Variants in RBKS observed in about 807,000 individuals in gnomAD.
RBKS encodes the protein ribokinase.
Under a neutral mutation model 33.9 loss-of-function variants are expected in RBKS, and 33 were observed. The ratio of observed to expected loss-of-function variants is 0.97; its 90% CI spans 0.74 to 1.30. The LOEUF is 1.30. Among genes scored for constraint, RBKS ranks in the 50% most tolerant of loss-of-function variants. The pLI is 0.00. For missense variants in RBKS, 361 were observed against 392.6 expected (o/e 0.92, Z 0.68); for synonymous variants, 125 against 143.0 (o/e 0.87, Z 0.90).
intron 7 of RBKS, among the ~76,000 whole-genome samples, chr2:27,826,273 T>C (rs891188173): frequency 5.3e-5 from 8 of 152,182 alleles, no homozygotes; most frequent in Admixed American, 2.0e-4. Flanking sequence ...TAAAGTCGCT[T>C]CTAAGCATAA....
rs535596507 is a variant in RBKS at position 27,836,333 on chromosome 2, G to A, written c.515-3556C>T. ...TCAAGGTGGCAGTGCGGGGTAGGGA[G>A]CCATGAGGCAGGATACAGATAAAAC... On this transcript the variant is annotated intron_variant, in intron 5 of 7. Transcript: ENST00000302188. Among the ~76,000 whole-genome samples the A allele has an allele frequency of 2.6e-5, 4 of 152,264 alleles. No homozygotes were observed. The South Asian group carries it at 6.2e-4, about 24-fold the overall frequency.
At chr2:27,817,102 CT>C (rs749476960) in intron 7 of RBKS, among the ~76,000 whole-genome samples, 1 of 152,188 alleles carries the variant, frequency 6.6e-6, no homozygotes, top group Non-Finnish European at 1.5e-5. Flanking sequence ...AAACTAGTTA[CT>C]TTCCCAGAAG....
At chr2:27,878,772 T>C (rs1003608432) in intron 1 of RBKS, among the ~76,000 whole-genome samples, 1 of 152,250 alleles carries the variant, frequency 6.6e-6, no homozygotes, top group Non-Finnish European at 1.5e-5. Flanking sequence ...TGCATTTCTC[T>C]GATGGCCAGT....
At chr2:27,860,602 A>T (rs1663956335) in intron 1 of RBKS, among the ~76,000 whole-genome samples, 1 of 152,300 alleles carries the variant, frequency 6.6e-6, no homozygotes. Flanking sequence ...ATGTATATAT[A>T]TATGTGGGGG....
At chr2:27,860,447 G>A (rs1389036865) in intron 1 of RBKS, among the ~76,000 whole-genome samples, 1 of 152,180 alleles carries the variant, frequency 6.6e-6, no homozygotes, top group East Asian at 1.9e-4. Context: ...CAAATAACTT[G>A]ATTAGTAAGA....
At chr2:27,889,671 T>C (rs1664664486) in intron 1 of RBKS, among the ~76,000 whole-genome samples, 1 of 152,260 alleles carries the variant, frequency 6.6e-6, no homozygotes, top group Admixed American at 6.5e-5. Context: ...TTTATTTTGA[T>C]TCATACTTGG....
intron 1 of RBKS, among the ~76,000 whole-genome samples, chr2:27,881,271 T>C (rs1455036082): frequency 6.6e-6 from 1 of 151,040 alleles, no homozygotes; most frequent in Non-Finnish European, 1.5e-5. Flanking sequence ...CCAGGCACAG[T>C]GGCTCACCTC....
chr2:27,889,348 G>C (rs1664649543), intron 1 of RBKS, among the ~76,000 whole-genome samples: 1 of 152,076 alleles, frequency 6.6e-6, no homozygotes, highest in African/African-American at 2.4e-5. Flanking sequence ...GGACGAATGA[G>C]GTGTTACTGT....
intron 7 of RBKS, among the ~76,000 whole-genome samples, chr2:27,821,931 A>G (rs980097053): frequency 1.3e-5 from 2 of 152,238 alleles, no homozygotes; most frequent in Non-Finnish European, 2.9e-5. Context: ...ACAGTAAGGG[A>G]CACCGAAACA....
At chr2:27,782,009 C>A (rs1677297154) in intron 7 of RBKS, among the ~76,000 whole-genome samples, 1 of 152,282 alleles carries the variant, frequency 6.6e-6, no homozygotes, top group South Asian at 2.1e-4. Flanking sequence ...AAGTGAACTT[C>A]ATACTTTTTT....
intron 7 of RBKS, among the ~76,000 whole-genome samples, chr2:27,826,795 A>C (rs1487085860): frequency 6.6e-6 from 1 of 152,000 alleles, no homozygotes; most frequent in African/African-American, 2.4e-5. Context: ...TTTCCTTTTC[A>C]TTCCTACTCT....
chr2:27,783,987 T>C (rs1285654583), intron 7 of RBKS, among the ~76,000 whole-genome samples: 3 of 82,676 alleles, frequency 3.6e-5, no homozygotes, highest in Non-Finnish European at 5.6e-5. Flanking sequence ...TTTTTTTTTT[T>C]TTTTTTTTTT....
chr2:27,792,584 G>C (rs1340146243), intron 7 of RBKS, among the ~76,000 whole-genome samples: 4 of 152,164 alleles, frequency 2.6e-5, no homozygotes, highest in African/African-American at 9.7e-5. Context: ...TCAATGAACA[G>C]AACTCTTAAC....
At chr2:27,855,688 C>T (rs1448278438) in intron 2 of RBKS, among the ~76,000 whole-genome samples, 1 of 152,202 alleles carries the variant, frequency 6.6e-6, no homozygotes, top group Non-Finnish European at 1.5e-5. Flanking sequence ...TAAATACTGA[C>T]TAACTCTTAA....
intron 7 of RBKS, among the ~76,000 whole-genome samples, chr2:27,782,248 G>T (rs1264814853): frequency 1.3e-5 from 2 of 151,896 alleles, no homozygotes; most frequent in South Asian, 2.1e-4. Context: ...TGCAGCCTGG[G>T]CTCAACTCCT....
chr2:27,791,652 CATATACATATACATA>C (rs1677527652), intron 7 of RBKS, among the ~76,000 whole-genome samples: 3 of 55,326 alleles, frequency 5.4e-5, no homozygotes, highest in East Asian at 5.2e-4. Context: ...ACTAAATATA[CATATACATATACATA>C]TACATATACA....
chr2:27,849,209 A>AT (rs1553379011), intron 2 of RBKS, among the ~76,000 whole-genome samples: 13 of 150,606 alleles, frequency 8.6e-5, no homozygotes, highest in East Asian at 1.9e-4. Context: ...ATTTTATTTT[A>AT]TTTTTTTTTG....
chr2:27,865,888 CT>C (rs2148223493), intron 1 of RBKS, among the ~76,000 whole-genome samples: 1 of 152,294 alleles, frequency 6.6e-6, no homozygotes, highest in African/African-American at 2.4e-5. Flanking sequence ...ATACATTTTA[CT>C]TCCACATGAT....
chr2:27,886,351 T>TA (rs1263824071), intron 1 of RBKS, among the ~76,000 whole-genome samples: 1 of 152,228 alleles, frequency 6.6e-6, no homozygotes, highest in East Asian at 1.9e-4. Context: ...TCTGAAGTGA[T>TA]ACTAAAGAAT....
Sources: gnomAD v4.1 joint callset for allele counts (sites outside exome capture counted in the v4.1 genomes callset) on GRCh38, gnomAD v4.1.1 for gene constraint, MANE v1.5 for transcripts, NCBI Gene and HGNC (gene_info 2026-07-23, HGNC 2026-07-21) for gene names.